The following GBF1 variants were observed in gnomAD, a reference collection of about 807,000 sequenced individuals.
GBF1 encodes the protein Golgi-specific brefeldin A-resistance guanine nucleotide exchange factor 1.
GBF1 carries 114 observed loss-of-function variants against 210.5 expected under a neutral mutation model. That is an observed-to-expected ratio of 0.54 (90% CI 0.47 to 0.63). The LOEUF (loss-of-function observed/expected upper bound fraction) is 0.63. Ranked by LOEUF, GBF1 falls within the 30% of genes least tolerant of loss-of-function variation. GBF1 has a pLI of 0.00. For missense variants in GBF1, 1,851 were observed against 2,357.7 expected (o/e 0.79, Z 4.45); for synonymous variants, 850 against 889.2 (o/e 0.96, Z 0.78).
intron 3 of GBF1, among the ~76,000 whole-genome samples, chr10:102,301,867 G>T (rs1565082220): frequency 6.6e-6 from 1 of 152,238 alleles, no homozygotes; most frequent in Non-Finnish European, 1.5e-5. Flanking sequence ...AGGGGTGGCG[G>T]CCGGGCAGAG....
At chr10:102,239,495 G>A in the GBF1 span, among the ~76,000 whole-genome samples, 1 of 152,226 alleles carries the variant, frequency 6.6e-6, no homozygotes, top group Admixed American at 6.5e-5. Flanking sequence ...GGGGATAATT[G>A]TGGTGTGTCT....
chr10:102,365,683 G>C, intron 18 of GBF1, 84 bp downstream of exon 18: 2 of 1,176,854 alleles, frequency 1.7e-6, no homozygotes, highest in East Asian at 2.3e-5. Flanking sequence ...GGCTGAGGCA[G>C]GCAGATCACT....
At chr10:102,346,833 T>C (rs2058609058) in intron 4 of GBF1, among the ~76,000 whole-genome samples, 1 of 152,210 alleles carries the variant, frequency 6.6e-6, no homozygotes, top group African/African-American at 2.4e-5. Flanking sequence ...TCCTGGAGGC[T>C]GAACATTTGA....
intron 3 of GBF1, among the ~76,000 whole-genome samples, chr10:102,317,105 T>C (rs1229416505): frequency 6.6e-6 from 1 of 152,122 alleles, no homozygotes; most frequent in African/African-American, 2.4e-5. Flanking sequence ...TGCCCCCTTT[T>C]TTTTTCTAAC....
chr10:102,277,970 A>T (rs528076161), intron 3 of GBF1, among the ~76,000 whole-genome samples: 143 of 152,204 alleles, frequency 9.4e-4, no homozygotes, highest in African/African-American at 3.0e-3. Flanking sequence ...ACATTTTTTT[A>T]AAATTTTTTC....
intron 3 of GBF1, among the ~76,000 whole-genome samples, chr10:102,299,450 A>C (rs1160005355): frequency 6.6e-6 from 1 of 152,212 alleles, no homozygotes; most frequent in Non-Finnish European, 1.5e-5. Context: ...ACGCTTCCCC[A>C]AGGAATCCAT....
intron 3 of GBF1, among the ~76,000 whole-genome samples, chr10:102,334,057 G>A (rs1482994438): frequency 2.0e-5 from 3 of 152,084 alleles, no homozygotes; most frequent in African/African-American, 7.2e-5. Context: ...GATCCATCTT[G>A]TGAATGATGG....
chr10:102,382,162 C>G lies in GBF1; in HGVS notation c.5409C>G (p.Pro1803=), dbSNP rs141159596. The G allele has an allele frequency of 1.2e-6, 2 of 1,613,618 alleles. No individual in the cohort carries two copies. Among genetic ancestry groups the G allele is most frequent in the South Asian group, 1.1e-5 (1 of 91,042 alleles). Residue 1803 remains proline (P), a synonymous_variant, in exon 40 of 40, where the codon CCC becomes CCG. Transcript: ENST00000369983. ...GCCCCACCCCCGACGGGCCTCCACC[C>G]TTGGCTCAGCCCCCACTGATCCTGC... is the stretch of plus-strand genomic sequence containing the variant. ...RLSPTPDGPP[P]LAQPPLILQP...
At chr10:102,251,879 A>G (rs1263110188) in intron 1 of GBF1, among the ~76,000 whole-genome samples, 1 of 152,148 alleles carries the variant, frequency 6.6e-6, no homozygotes, top group Non-Finnish European at 1.5e-5. Context: ...AGATAACTAC[A>G]AAGTGCTGTG....
chr10:102,357,072 G>A (rs898820032), intron 8 of GBF1, among the ~76,000 whole-genome samples: 3 of 152,124 alleles, frequency 2.0e-5, no homozygotes, highest in Non-Finnish European at 4.4e-5. Flanking sequence ...GCAGCAGAGA[G>A]CACAGCAGCA....
intron 3 of GBF1, among the ~76,000 whole-genome samples, chr10:102,317,994 T>G (rs2134100316): frequency 6.6e-6 from 1 of 152,232 alleles, no homozygotes; most frequent in Admixed American, 6.5e-5. Flanking sequence ...CTACAAGCTC[T>G]GCCTCCCGGG....
At chr10:102,313,021 CTT>C (rs1050235515) in intron 3 of GBF1, among the ~76,000 whole-genome samples, 7 of 151,984 alleles carry the variant, frequency 4.6e-5, no homozygotes, top group African/African-American at 1.7e-4. Context: ...GCTGTGGTGT[CTT>C]ATAGATACAG....
intron 33 of GBF1, among the ~76,000 whole-genome samples, chr10:102,378,625 A>T (rs1484954642): frequency 6.6e-6 from 1 of 151,918 alleles, no homozygotes; most frequent in Non-Finnish European, 1.5e-5. Flanking sequence ...ACAGAGCAAG[A>T]CCCTGTCTCA....
chr10:102,354,717 T>C (rs1469619367), intron 8 of GBF1, among the ~76,000 whole-genome samples: 1 of 151,970 alleles, frequency 6.6e-6, no homozygotes, highest in Non-Finnish European at 1.5e-5. Context: ...AAGCCTGGGG[T>C]CTGCTGTTAC....
chr10:102,248,162 A>C (rs905698713), intron 1 of GBF1, among the ~76,000 whole-genome samples: 1 of 152,068 alleles, frequency 6.6e-6, no homozygotes, highest in Non-Finnish European at 1.5e-5. Context: ...GATTAGAATG[A>C]TTCTGTTGTT....
the GBF1 span, chr10:102,231,073 C>A: frequency 6.4e-7 from 1 of 1,565,198 alleles, no homozygotes; most frequent in Non-Finnish European, 8.6e-7. Context: ...GCGCTTCCGC[C>A]ATTTGGCGCG....
Position 102,363,215 on chromosome 10 carries a change from A to ATACCCT in GBF1, c.1877-40_1877-35dup. ...CTATCCTGCAGCTCTGCTTGGCTTC[A>ATACCCT]TACCCTATAAGTCTTCACGTATCTT... On this transcript the variant is annotated intron_variant, in intron 15 of 39. Transcript: ENST00000369983. The surrounding 1 kb of genome is among the most constrained non-coding windows in gnomAD (Gnocchi z 4.2). 1 of 1,566,280 alleles carries ATACCCT rather than the reference A, an allele frequency of 6.4e-7. No individual in the cohort carries two copies. The highest frequency in any genetic ancestry group is 1.3e-5 in the African/African-American group (1 of 74,216).
chr10:102,301,572 C>T (rs1388138921), intron 3 of GBF1, among the ~76,000 whole-genome samples: 2 of 152,218 alleles, frequency 1.3e-5, no homozygotes, highest in Non-Finnish European at 2.9e-5. Context: ...GGCGGAGGGG[C>T]TCCTCACTTC....
At chr10:102,284,961 G>A (rs953980152) in intron 3 of GBF1, among the ~76,000 whole-genome samples, 11 of 152,020 alleles carry the variant, frequency 7.2e-5, no homozygotes, top group African/African-American at 2.7e-4. Context: ...AGCTTCAAAA[G>A]CTTTTGAGAC....
Sources: allele counts gnomAD v4.1 joint callset (sites outside exome capture counted in the v4.1 genomes callset), GRCh38; gene constraint gnomAD v4.1.1; non-coding constraint Gnocchi (gnomAD v3.1); transcripts MANE v1.5; gene names NCBI Gene and HGNC (gene_info 2026-07-23, HGNC 2026-07-21).